Variants in SSX1 observed in about 807,000 individuals in gnomAD.
The protein encoded by SSX1 is protein SSX1.
Under a neutral mutation model 14.6 loss-of-function variants are expected in SSX1, and 58 were observed. That is an observed-to-expected ratio of 3.96 (90% CI 3.21 to 4.93). The LOEUF is 4.93. Ranked by LOEUF, SSX1 falls within the 30% of genes most tolerant of loss-of-function variation. SSX1 has a pLI of 0.00. For synonymous variants in SSX1, 46 were observed against 52.1 expected, an observed-to-expected ratio of 0.88 and a Z score of 0.50; for missense variants, 272 against 143.1, an observed-to-expected ratio of 1.90 and a Z score of -4.60.
chrX:48,257,803 T>C lies in SSX1; in HGVS notation c.127T>C (p.Ser43Pro), dbSNP rs782496683. ...SKKEWKKMKY[S>P]EKISYVYMKR... ...GAAAGAGTGGAAAAAGATGAAATAC[T>C]CGGAGAAAATCAGCTATGTGTATAT... is the stretch of plus-strand genomic sequence containing the variant. Residue 43 changes from serine (S) to proline (P), a missense_variant, in exon 3 of 8, where the codon TCG becomes CCG. Ser to Pro is a moderately conservative substitution (Grantham distance 74). Transcript: ENST00000376919. The C allele has an allele frequency of 8.0e-5, 96 of 1,206,006 alleles. No homozygotes were observed. Among genetic ancestry groups the C allele is most frequent in the Non-Finnish European group, 1.1e-4 (95 of 892,882 alleles).
Position 48,267,211 on chromosome X carries a change from G to A in SSX1, c.*362G>A. 1 of 299,758 alleles carries A rather than the reference G, an allele frequency of 3.3e-6. No homozygotes were observed. Among genetic ancestry groups the A allele is most frequent in the Non-Finnish European group, 5.9e-6 (1 of 168,716 alleles). 24.7% of individuals were successfully genotyped at this position (299,758 alleles called of 1,213,427 possible). A position where few individuals can be genotyped will look rare whatever the true frequency, so the allele number is the denominator to read the frequency against. Reference sequence around the variant, plus strand: ...TCATCTCTCCCCAGATGTGACTACTGAGGGCAGTTCTGAGTGTTTAATTTC... The same window carrying A: ...TCATCTCTCCCCAGATGTGACTACTAAGGGCAGTTCTGAGTGTTTAATTTC... On this transcript the variant is annotated 3_prime_UTR_variant, in exon 8 of 8. Transcript: ENST00000376919.
intron 5 of SSX1, 119 bp from the exon 6 acceptor site, chrX:48,263,663 C>T (rs2059612691): frequency 3.0e-6 from 3 of 1,012,279 alleles, no homozygotes; most frequent in African/African-American, 3.8e-5. Context: ...GCAAGTGTAA[C>T]TCTCCCCGCG....
chrX:48,255,526 G>A (rs1240952803), intron 1 of SSX1, 94 bp downstream of exon 1: 1 of 109,372 alleles, frequency 9.1e-6, no homozygotes, highest in East Asian at 2.9e-4. Flanking sequence ...TTGGGGTTCC[G>A]AAAATCTTGA....
chrX:48,257,044 A>T (rs2059584412), intron 1 of SSX1, among the ~76,000 whole-genome samples, 178 bp from the exon 2 acceptor site: 1 of 111,288 alleles, frequency 9.0e-6, no homozygotes, highest in South Asian at 3.9e-4. Flanking sequence ...CAGAGACTCC[A>T]GGCTCCCTGT....
At position 48,264,919 on chromosome X, in the gene SSX1, G is replaced by A. The variant is rs1316498142; in HGVS notation, c.466+1002G>A. ...TGCTGCAGCTTCTCCATCAGTGTTT[G>A]CTGCTACACCTTGCACTTTTATGTT... On this transcript the variant is annotated intron_variant, in intron 6 of 7. Transcript: ENST00000376919. Among the ~76,000 whole-genome samples, 3 of 112,500 alleles carry A rather than the reference G, an allele frequency of 2.7e-5. No individual in the cohort carries two copies. In the South Asian group the frequency reaches 1.1e-3, roughly 41 times the overall value.
At position 48,258,639 on chromosome X, in the gene SSX1, G is replaced by A; in HGVS notation, c.280+8G>A. On this transcript the variant is annotated splice_region_variant and intron_variant, in intron 4 of 7. Transcript: ENST00000376919. ...ATAACCGCAGGATTCAGGGTGAGTA[G>A]ATGGGAAGTGGCTGGAAAGGTCTCC... The A allele has an allele frequency of 8.5e-7, 1 of 1,175,062 alleles. No individual in the cohort carries two copies.
chrX:48,263,672 C>T (rs782634557), intron 5 of SSX1, 110 bp from the exon 6 acceptor site: 112 of 1,046,661 alleles, frequency 1.1e-4, no homozygotes, highest in South Asian at 3.9e-4. Context: ...ACTCTCCCCG[C>T]GTTGTTGAGA....
At position 48,255,631 on chromosome X, in the gene SSX1, G is replaced by GTT. The variant is rs1224585882; in HGVS notation, c.-21+217_-21+218dup. On this transcript the variant is annotated intron_variant, in intron 1 of 7. Coordinates refer to ENST00000376919, the MANE Select transcript of SSX1 (RefSeq NM_005635.4). ...TACAGGCCTGTATTATCCCACCCCT[G>GTT]TTTTTTTTTTTTTTTTTTTAGTAGA... Among the ~76,000 whole-genome samples the GTT allele has an allele frequency of 4.9e-3, 418 of 84,581 alleles. 7 individuals carry two copies. The highest frequency in any genetic ancestry group is 0.016 in the African/African-American group (379 of 23,054). The allele number at this position is 84,581 out of a possible 115,157, so 73.4% of individuals were successfully genotyped here.
intron 4 of SSX1, among the ~76,000 whole-genome samples, chrX:48,259,504 G>A (rs2059596440): frequency 9.0e-6 from 1 of 110,614 alleles, no homozygotes; most frequent in Admixed American, 9.7e-5. Context: ...ACAATGTGCA[G>A]GTTAGTTACA....
intron 4 of SSX1, among the ~76,000 whole-genome samples, chrX:48,260,659 A>T (rs1329965109): frequency 7.2e-5 from 8 of 111,837 alleles, no homozygotes; most frequent in Non-Finnish European, 1.1e-4. Context: ...AAGCAACTTC[A>T]GCAAAATCTC....
rs782534875 is a variant in SSX1 at position 48,257,209 on chromosome X, G to T, written c.-20-13G>T. ...TCCTGTAGCTAGAAAGTCTCAGGCT[G>T]TTTCTCTTGCAGGTGAGACTGCTCC... On this transcript the variant is annotated splice_polypyrimidine_tract_variant and intron_variant, in intron 1 of 7. Coordinates refer to ENST00000376919, the MANE Select transcript of SSX1 (RefSeq NM_005635.4). The T allele has an allele frequency of 8.3e-7, 1 of 1,207,385 alleles. No individual in the cohort carries two copies. Among genetic ancestry groups the T allele is most frequent in the Non-Finnish European group, 1.1e-6 (1 of 891,595 alleles).
intron 5 of SSX1, among the ~76,000 whole-genome samples, chrX:48,263,412 G>A (rs782409934): frequency 1.1e-4 from 12 of 109,673 alleles, no homozygotes; most frequent in African/African-American, 3.3e-4. Context: ...AGCTGTCTAC[G>A]AGCTTATATG....
chrX:48,259,577 A>G (rs1196430883), intron 4 of SSX1, among the ~76,000 whole-genome samples: 2 of 110,873 alleles, frequency 1.8e-5, no homozygotes, highest in Non-Finnish European at 3.8e-5. Context: ...CATTAGGTAT[A>G]TCTCCCAACG....
At chrX:48,262,552 G>A (rs1225163795) in intron 5 of SSX1, among the ~76,000 whole-genome samples, 17 of 110,996 alleles carry the variant, frequency 1.5e-4, no homozygotes, top group Admixed American at 1.2e-3. Context: ...CTCCTTGAGG[G>A]CTTTGTCTGC....
chrX:48,267,116 T>C lies in SSX1; in HGVS notation c.*267T>C, dbSNP rs1433159436. 1.2e-5 allele frequency: 5 copies of C among 400,648 alleles called. No individual in the cohort carries two copies. The highest frequency in any genetic ancestry group is 2.2e-5 in the Non-Finnish European group (5 of 226,823). 33.0% of individuals were successfully genotyped at this position (400,648 alleles called of 1,213,427 possible). The stretch of plus-strand genomic sequence containing the variant: ...AGACATACTGAATGCATATTTCGGT[T>C]TGTGTATCCATGCACCTACGTCAGA... On this transcript the variant is annotated 3_prime_UTR_variant, in exon 8 of 8. Coordinates refer to ENST00000376919, the MANE Select transcript of SSX1 (RefSeq NM_005635.4).
rs1306154327 is a variant in SSX1, at chrX:48,258,606, TA to T, written c.257del (p.Asn86MetfsTer14). On this transcript the variant is annotated frameshift_variant, in exon 4 of 8. Coordinates refer to ENST00000376919, the MANE Select transcript of SSX1 (RefSeq NM_005635.4). LOFTEE classifies it high-confidence loss of function. ...CAGACTTCCAGGGGAATGATTTTGATAATGACCATAACCGCAGGATTCAGGG... is the reference window on the plus strand; with the variant it reads ...CAGACTTCCAGGGGAATGATTTTGATATGACCATAACCGCAGGATTCAGGG... ...ATDFQGNDFD[N>X]DHNRRIQVEH... The T allele has an allele frequency of 3.3e-6, 4 of 1,204,643 alleles. No homozygotes were observed. The highest frequency in any genetic ancestry group is 4.4e-5 in the Admixed American group (2 of 45,487).
intron 4 of SSX1, among the ~76,000 whole-genome samples, chrX:48,259,668 T>C (rs2059597180): frequency 9.0e-6 from 1 of 111,008 alleles, no homozygotes; most frequent in Non-Finnish European, 1.9e-5. Flanking sequence ...GTTCTCATTG[T>C]TCAATTCCCA....
intron 1 of SSX1, among the ~76,000 whole-genome samples, chrX:48,255,765 T>TTTTTTA (rs2059578594): frequency 1.0e-5 from 1 of 99,981 alleles, no homozygotes; most frequent in African/African-American, 3.7e-5. Context: ...CCTCACTAAT[T>TTTTTTA]TTTTTTATTT....
rs1448090772 is a variant in SSX1, at chrX:48,264,074, A to C, written c.466+157A>C. ...ATGAGATGTTAGACATGACTTCCAGAGATGCAGACTGGAGTTGTCATCCAT... is the reference window on the plus strand; with the variant it reads ...ATGAGATGTTAGACATGACTTCCAGCGATGCAGACTGGAGTTGTCATCCAT... On this transcript the variant is annotated intron_variant, in intron 6 of 7. Transcript: ENST00000376919. Among the ~76,000 whole-genome samples, 6 of 112,078 alleles carry C rather than the reference A, an allele frequency of 5.4e-5. No homozygotes were observed. In the Admixed American group the frequency reaches 5.7e-4, roughly 11 times the overall value.
Sources: gnomAD v4.1 joint callset for allele counts (sites outside exome capture counted in the v4.1 genomes callset) on GRCh38, gnomAD v4.1.1 for gene constraint, MANE v1.5 for transcripts, NCBI Gene and HGNC (gene_info 2026-07-23, HGNC 2026-07-21) for gene names.